HDAC9: variants seen among roughly 807,000 people sequenced by gnomAD.
The protein encoded by HDAC9 is MEF-2 interacting transcription repressor (MITR) protein.
HDAC9 carries 41 observed loss-of-function variants against 139.4 expected under a neutral mutation model. That is an observed-to-expected ratio of 0.29 (90% CI 0.23 to 0.38). HDAC9 has a LOEUF of 0.38. Among genes scored for constraint, HDAC9 ranks in the 10% least tolerant of loss-of-function variants. The probability of loss-of-function intolerance (pLI) is 1.00; values close to 1 mark genes in which losing one functional copy is unlikely to be tolerated. For missense variants in HDAC9, 1,147 were observed against 1,297.0 expected (o/e 0.88, Z 1.78); for synonymous variants, 517 against 476.2 (o/e 1.09, Z -1.12).
chr7:18,670,506 A>G (rs1345730722), intron 12 of HDAC9, among the ~76,000 whole-genome samples: 1 of 152,130 alleles, frequency 6.6e-6, no homozygotes, highest in African/African-American at 2.4e-5. Flanking sequence ...TCTATTACAA[A>G]CACACAGTGC....
chr7:18,192,128 G>T (rs150699898), intron 2 of HDAC9, among the ~76,000 whole-genome samples: 2 of 152,280 alleles, frequency 1.3e-5, no homozygotes, highest in Non-Finnish European at 2.9e-5. Flanking sequence ...GGGGGGCGGG[G>T]GGGTGTCACA....
chr7:18,213,325 TAA>T (rs1448707985), intron 2 of HDAC9, among the ~76,000 whole-genome samples: 2 of 152,168 alleles, frequency 1.3e-5, no homozygotes, highest in African/African-American at 2.4e-5. Flanking sequence ...CATGTATATA[TAA>T]GAGACCAGGA....
At chr7:18,693,832 TTTAATATGTTGCTGTGCA>T (rs1376645665) in intron 12 of HDAC9, among the ~76,000 whole-genome samples, 1 of 152,314 alleles carries the variant, frequency 6.6e-6, no homozygotes, top group East Asian at 1.9e-4. Context: ...ACAAACCACA[TTTAATATGTTGCTGTGCA>T]TTAGTGAGGG....
In HDAC9 at chr7:18,729,147, A is replaced by G. The variant is rs1785813068; in HGVS notation, c.1909+1390A>G. Among the ~76,000 whole-genome samples, 12 of 152,300 alleles carry G rather than the reference A, an allele frequency of 7.9e-5. 1 individual carries two copies. In the South Asian group the frequency reaches 2.3e-3, roughly 29 times the overall value. ...TAATTTTTTGCATGTAGAAAGAGCA[A>G]TAGCCTTTAAGAATTACTTACTCTC... On this transcript the variant is annotated intron_variant, in intron 13 of 25. Transcript: ENST00000686413.
At chr7:18,474,928 A>AC (rs1219278327) in intron 1 of HDAC9, among the ~76,000 whole-genome samples, 2 of 152,190 alleles carry the variant, frequency 1.3e-5, no homozygotes, top group Non-Finnish European at 2.9e-5. Context: ...CTATAAAGAC[A>AC]CCTTGTATGG....
At chr7:18,143,173 G>C (rs563403810) in intron 1 of HDAC9, among the ~76,000 whole-genome samples, 1 of 152,266 alleles carries the variant, frequency 6.6e-6, no homozygotes, top group East Asian at 1.9e-4. Flanking sequence ...TACGCCTATT[G>C]TCAAATTAAT....
At chr7:18,931,255 G>T (rs1002093314) in intron 22 of HDAC9, among the ~76,000 whole-genome samples, 1 of 152,002 alleles carries the variant, frequency 6.6e-6, no homozygotes, top group African/African-American at 2.4e-5. Flanking sequence ...AAAATTTTGC[G>T]TTACTTCTTT....
At chr7:18,157,965 A>C (rs953204934) in intron 1 of HDAC9, among the ~76,000 whole-genome samples, 4 of 152,192 alleles carry the variant, frequency 2.6e-5, no homozygotes, top group African/African-American at 4.8e-5. Context: ...AGGATACTCT[A>C]TGGAGGAACC....
chr7:18,611,687 T>G (rs569539735), intron 6 of HDAC9, among the ~76,000 whole-genome samples: 4 of 152,226 alleles, frequency 2.6e-5, no homozygotes, highest in Non-Finnish European at 5.9e-5. Flanking sequence ...AATGGCAATT[T>G]TGCTAAAATT....
intron 14 of HDAC9, among the ~76,000 whole-genome samples, chr7:18,756,512 T>C (rs1788890661): frequency 6.6e-6 from 1 of 152,228 alleles, no homozygotes; most frequent in African/African-American, 2.4e-5. Context: ...ACCTCAGTAA[T>C]TTATCATTGC....
intron 1 of HDAC9, among the ~76,000 whole-genome samples, chr7:18,439,959 T>C (rs1271746835): frequency 6.6e-6 from 1 of 152,196 alleles, no homozygotes; most frequent in Admixed American, 6.5e-5. Flanking sequence ...CACTTAATGA[T>C]AGCAATACCT....
intron 2 of HDAC9, chr7:18,506,086 A>G (rs142857553): frequency 6.6e-6 from 1 of 152,360 alleles, no homozygotes; most frequent in African/African-American, 2.4e-5. Flanking sequence ...CTAGTAGTTT[A>G]AATAAAGAAG....
chr7:18,207,364 ATATTT>A (rs1351931431), intron 2 of HDAC9, among the ~76,000 whole-genome samples: 1 of 151,956 alleles, frequency 6.6e-6, no homozygotes, highest in Non-Finnish European at 1.5e-5. Context: ...AAGAAAATAA[ATATTT>A]TAGGATCCAT....
chr7:18,641,760 G>A (rs1229931101), intron 8 of HDAC9, among the ~76,000 whole-genome samples: 4 of 152,020 alleles, frequency 2.6e-5, no homozygotes, highest in Non-Finnish European at 4.4e-5. Context: ...ATGCTAAGGT[G>A]GGATGGTCTT....
chr7:18,847,255 A>T (rs557549567), intron 21 of HDAC9, among the ~76,000 whole-genome samples: 12 of 152,324 alleles, frequency 7.9e-5, no homozygotes, highest in African/African-American at 2.9e-4. Flanking sequence ...TTTCACCGTT[A>T]CGCACATACA....
chr7:18,424,716 C>T (rs1292564070), intron 1 of HDAC9, among the ~76,000 whole-genome samples: 4 of 152,112 alleles, frequency 2.6e-5, no homozygotes, highest in Admixed American at 2.6e-4. Flanking sequence ...TGAGGCCAGC[C>T]AGGCCAACCT....
chr7:18,160,475 C>G (rs979514477), intron 1 of HDAC9, among the ~76,000 whole-genome samples: 2 of 152,128 alleles, frequency 1.3e-5, no homozygotes, highest in East Asian at 1.9e-4. Context: ...TCTCAGTTTT[C>G]TCACCTATTA....
At chr7:18,413,705 T>C (rs1036634024) in intron 1 of HDAC9, among the ~76,000 whole-genome samples, 19 of 152,148 alleles carry the variant, frequency 1.2e-4, no homozygotes, top group African/African-American at 4.6e-4. Flanking sequence ...TAAAAGGGTA[T>C]ATTGAAAAGG....
intron 1 of HDAC9, among the ~76,000 whole-genome samples, chr7:18,153,582 AG>A (rs1309948896): frequency 6.6e-6 from 1 of 152,114 alleles, no homozygotes; most frequent in Admixed American, 6.6e-5. Context: ...CTGCAGAAAA[AG>A]GTGGGGAGGG....
Sources: allele counts gnomAD v4.1 joint callset (sites outside exome capture counted in the v4.1 genomes callset), GRCh38; gene constraint gnomAD v4.1.1; transcripts MANE v1.5; gene names NCBI Gene and HGNC (gene_info 2026-07-23, HGNC 2026-07-21).